Variants in DGKB observed in about 807,000 individuals in gnomAD.
The protein encoded by DGKB is diacylglycerol kinase beta.
Under a neutral mutation model 114.3 loss-of-function variants are expected in DGKB, and 67 were observed. The observed-to-expected ratio is 0.59, with a 90% CI of 0.48 to 0.72. The LOEUF (loss-of-function observed/expected upper bound fraction) is 0.72. Ranked by LOEUF, DGKB falls within the 30% of genes least tolerant of loss-of-function variation. The pLI is 0.00. For missense variants in DGKB, 907 were observed against 975.2 expected, an observed-to-expected ratio of 0.93 and a Z score of 0.93; for synonymous variants, 398 against 323.1, an observed-to-expected ratio of 1.23 and a Z score of -2.49.
At chr7:14,578,119 T>C (rs2128718507) in intron 19 of DGKB, among the ~76,000 whole-genome samples, 1 of 152,216 alleles carries the variant, frequency 6.6e-6, no homozygotes, top group South Asian at 2.1e-4. Context: ...ATCTGATGGT[T>C]TTATCAGGGA....
intron 1 of DGKB, among the ~76,000 whole-genome samples, chr7:14,879,990 C>T (rs1853970203): frequency 6.6e-6 from 1 of 152,054 alleles, no homozygotes; most frequent in African/African-American, 2.4e-5. Context: ...AATTTGGTTT[C>T]TATTTAAAAA....
At chr7:14,600,749 C>CA (rs1297937811) in intron 17 of DGKB, among the ~76,000 whole-genome samples, 1 of 152,108 alleles carries the variant, frequency 6.6e-6, no homozygotes, top group Non-Finnish European at 1.5e-5. Context: ...TAACAAAAAC[C>CA]AAAAAACCCT....
At chr7:14,571,564 G>A (rs193262630) in intron 20 of DGKB, among the ~76,000 whole-genome samples, 2 of 152,306 alleles carry the variant, frequency 1.3e-5, no homozygotes, top group East Asian at 3.9e-4. Flanking sequence ...ATTCCTGGCT[G>A]TCTGAAAATC....
chr7:14,958,316 C>T (rs757771853), intron 1 of DGKB, among the ~76,000 whole-genome samples: 1 of 151,816 alleles, frequency 6.6e-6, no homozygotes, highest in East Asian at 1.9e-4. Context: ...CTGCATACAA[C>T]GCAATGGTTT....
rs114394355 is a variant in DGKB at position 14,809,514 on chromosome 7, T to A, written c.70+31680A>T. ...ACATGGAGGTCATATTTTAATAGCA[T>A]CCATGTAAGAAATGCAGGGCTTTTC... On this transcript the variant is annotated intron_variant, in intron 2 of 25. Coordinates refer to ENST00000402815, the MANE Select transcript of DGKB (RefSeq NM_001350709.2). Among the ~76,000 whole-genome samples, 911 of 152,268 alleles carry A rather than the reference T, an allele frequency of 6.0e-3. 3 individuals are homozygous for A. The highest frequency in any genetic ancestry group is 0.021 in the African/African-American group (872 of 41,566).
chr7:14,686,740 T>A (rs565933905), intron 9 of DGKB, among the ~76,000 whole-genome samples: 2 of 152,224 alleles, frequency 1.3e-5, no homozygotes, highest in Admixed American at 1.3e-4. Flanking sequence ...AAATGTCAAA[T>A]TTGCCTCACA....
chr7:14,543,322 T>C lies in DGKB; in HGVS notation c.1770+30890A>G, dbSNP rs955040528. Reference sequence around the variant, plus strand: ...AGCCAGGCATGGTGGCATGCGCCTATGGTCCCAGCTACTCAGGAGGCTAAG... The same window carrying C: ...AGCCAGGCATGGTGGCATGCGCCTACGGTCCCAGCTACTCAGGAGGCTAAG... On this transcript the variant is annotated intron_variant, in intron 20 of 25. Transcript: ENST00000402815. 5.3e-5 allele frequency among the ~76,000 whole-genome samples: 8 copies of C among 152,080 alleles called. 1 individual carries two copies. The highest frequency in any genetic ancestry group is 7.2e-5 in the African/African-American group (3 of 41,500).
rs551516896 is a variant in DGKB at position 14,330,864 on chromosome 7, T to C, written c.2122+7651A>G. Reference sequence around the variant, plus strand: ...CTTCTCGATAATGCATGTGCTTTTATAGGATAGCCAAACAAAGGATAAGAG... The same window carrying C: ...CTTCTCGATAATGCATGTGCTTTTACAGGATAGCCAAACAAAGGATAAGAG... On this transcript the variant is annotated intron_variant, in intron 23 of 25. Coordinates refer to ENST00000402815, the MANE Select transcript of DGKB (RefSeq NM_001350709.2). Among the ~76,000 whole-genome samples, 6 of 152,140 alleles carry C rather than the reference T, an allele frequency of 3.9e-5. No individual in the cohort carries two copies. In the East Asian group the frequency reaches 9.6e-4, roughly 24 times the overall value.
intron 1 of DGKB, among the ~76,000 whole-genome samples, chr7:14,933,352 A>T (rs1785125346): frequency 6.6e-6 from 1 of 152,176 alleles, no homozygotes; most frequent in Admixed American, 6.5e-5. Context: ...TGGATCTATC[A>T]ATCCTTCAGT....
At chr7:14,704,228 G>C (rs1303444410) in intron 6 of DGKB, among the ~76,000 whole-genome samples, 1 of 148,226 alleles carries the variant, frequency 6.7e-6, no homozygotes, top group African/African-American at 2.5e-5. Flanking sequence ...GAGGTCAGGA[G>C]ATCGAGACCA....
intron 21 of DGKB, among the ~76,000 whole-genome samples, chr7:14,382,456 AC>A (rs1819644355): frequency 6.6e-6 from 1 of 150,992 alleles, no homozygotes; most frequent in Non-Finnish European, 1.5e-5. Context: ...GCCTGTACAC[AC>A]ACACACACAC....
chr7:14,762,525 C>G (rs1471897301), intron 2 of DGKB, among the ~76,000 whole-genome samples: 2 of 152,066 alleles, frequency 1.3e-5, no homozygotes, highest in African/African-American at 4.8e-5. Flanking sequence ...AAATAAATGA[C>G]TAATAGCATT....
intron 17 of DGKB, among the ~76,000 whole-genome samples, chr7:14,584,054 C>G (rs113626965): frequency 3.9e-4 from 60 of 152,216 alleles, no homozygotes; most frequent in African/African-American, 1.4e-3. Flanking sequence ...ATTTTCAACA[C>G]GAATAAAACT....
At chr7:14,691,782 T>C (rs1225867271) in intron 9 of DGKB, among the ~76,000 whole-genome samples, 3 of 151,776 alleles carry the variant, frequency 2.0e-5, no homozygotes, top group Admixed American at 6.6e-5. Context: ...AGATTTAAGG[T>C]GGTCTCTTGA....
intron 23 of DGKB, among the ~76,000 whole-genome samples, chr7:14,307,247 T>C (rs928646535): frequency 7.0e-6 from 1 of 143,016 alleles, no homozygotes; most frequent in African/African-American, 2.6e-5. Flanking sequence ...TCTCAAACTA[T>C]ACCTCTTTCT....
intron 20 of DGKB, among the ~76,000 whole-genome samples, 177 bp from the exon 21 acceptor site, chr7:14,478,402 T>TGTAATTCTATGCAGAAGTGATTTAC (rs1782509735): frequency 6.6e-6 from 1 of 152,066 alleles, no homozygotes; most frequent in Non-Finnish European, 1.5e-5. Context: ...AAGTGATTTA[T>TGTAATTCTATGCAGAAGTGATTTAC]GTAATTCTAT....
chr7:14,621,316 C>T (rs1236272505), intron 15 of DGKB, 62 bp downstream of exon 15: 3 of 939,396 alleles, frequency 3.2e-6, no homozygotes, highest in Non-Finnish European at 3.4e-6. Context: ...AACATATGCC[C>T]CTTTAGAGCC....
At chr7:14,642,977 C>A (rs6947404) in intron 13 of DGKB, among the ~76,000 whole-genome samples, 4,965 of 152,148 alleles carry the variant, frequency 0.033, 245 homozygotes, top group African/African-American at 0.11. Flanking sequence ...TAAGATTTCC[C>A]GACACCATCA....
intron 12 of DGKB, among the ~76,000 whole-genome samples, chr7:14,679,330 C>A (rs1207269360): frequency 1.3e-5 from 2 of 151,970 alleles, no homozygotes. Context: ...CCCCTTTAAT[C>A]CTCATAATAA....
Sources: allele counts gnomAD v4.1 joint callset (sites outside exome capture counted in the v4.1 genomes callset), GRCh38; gene constraint gnomAD v4.1.1; transcripts MANE v1.5; gene names NCBI Gene and HGNC (gene_info 2026-07-23, HGNC 2026-07-21).